Variants in TRIML2 observed in about 807,000 individuals in gnomAD.
TRIML2 encodes the protein probable E3 ubiquitin-protein ligase TRIML2.
TRIML2 carries 28 observed loss-of-function variants against 31.2 expected under a neutral mutation model. The observed-to-expected ratio is 0.90, with a 90% CI of 0.66 to 1.23. The LOEUF (loss-of-function observed/expected upper bound fraction) is 1.23. Among genes scored for constraint, TRIML2 ranks in the 50% most tolerant of loss-of-function variants. The pLI is 0.00. For synonymous variants in TRIML2, 187 were observed against 197.5 expected (o/e 0.95, Z 0.45); for missense variants, 536 against 528.3 (o/e 1.01, Z -0.14).
Position 188,094,706 on chromosome 4 carries a change from C to A in TRIML2, c.745+2355G>T, listed in dbSNP as rs143198653. Among the ~76,000 whole-genome samples the A allele has an allele frequency of 3.5e-4, 53 of 152,256 alleles. 2 individuals carry two copies. The East Asian group carries it at 0.01, about 29-fold the overall frequency. On this transcript the variant is annotated intron_variant, in intron 7 of 7. Coordinates refer to ENST00000682553, the MANE Select transcript of TRIML2 (RefSeq NM_173553.4). Reference sequence around the variant, plus strand: ...AATATTGTCAAGATGTCAATTCTCCCCAAACTGATCAACGGATTCAATGTA... The same window carrying A: ...AATATTGTCAAGATGTCAATTCTCCACAAACTGATCAACGGATTCAATGTA...
At chr4:188,094,722 A>T (rs2111158681) in intron 7 of TRIML2, among the ~76,000 whole-genome samples, 1 of 152,344 alleles carries the variant, frequency 6.6e-6, no homozygotes, top group Admixed American at 6.5e-5. Context: ...TGATCAACGG[A>T]TTCAATGTAA....
intron 3 of TRIML2, among the ~76,000 whole-genome samples, chr4:188,103,492 A>C (rs1733894937): frequency 6.6e-6 from 1 of 151,960 alleles, no homozygotes; most frequent in Non-Finnish European, 1.5e-5. Flanking sequence ...GTTTCCTTAC[A>C]CAGCTCCAGC....
Position 188,097,359 on chromosome 4 carries a change from A to G in TRIML2, c.622-13T>C. On this transcript the variant is annotated splice_polypyrimidine_tract_variant and intron_variant, in intron 5 of 7. Coordinates refer to ENST00000682553, the MANE Select transcript of TRIML2 (RefSeq NM_173553.4). The stretch of plus-strand genomic sequence containing the variant: ...AGTATTTTGCATTCTAAGGGAAAGA[A>G]AAGAGACCAGGTTACTACTGGGTTT... The G allele has an allele frequency of 6.2e-7, 1 of 1,613,936 alleles. No homozygotes were observed. The highest frequency in any genetic ancestry group is 8.5e-7 in the Non-Finnish European group (1 of 1,179,900).
intron 7 of TRIML2, among the ~76,000 whole-genome samples, chr4:188,093,585 C>G (rs758057896): frequency 3.3e-5 from 5 of 152,108 alleles, no homozygotes; most frequent in African/African-American, 4.8e-5. Flanking sequence ...TCGCTTGCAT[C>G]TGGGAGGCAG....
chr4:188,098,785 A>C, intron 5 of TRIML2: 1 of 451,448 alleles, frequency 2.2e-6, no homozygotes, highest in Non-Finnish European at 3.9e-6. Flanking sequence ...ACATTGTGTC[A>C]CATCTCAACC....
Position 188,093,701 on chromosome 4 carries a change from T to A in TRIML2, c.746-1760A>T, listed in dbSNP as rs151083995. Reference sequence around the variant, plus strand: ...AAAGGTTGAAGAAACAACAGGAGTATCTCAAGAGAAAAAGAACTTGATAAA... The same window carrying A: ...AAAGGTTGAAGAAACAACAGGAGTAACTCAAGAGAAAAAGAACTTGATAAA... On this transcript the variant is annotated intron_variant, in intron 7 of 7. Transcript: ENST00000682553. Among the ~76,000 whole-genome samples, 1,070 of 151,798 alleles carry A rather than the reference T, an allele frequency of 7.0e-3. 9 individuals carry two copies. The highest frequency in any genetic ancestry group is 0.024 in the African/African-American group (1,010 of 41,354).
Position 188,091,958 on chromosome 4 carries a change from C to A in TRIML2, c.746-17G>T, listed in dbSNP as rs368485455. 10 of 1,593,138 alleles carry A rather than the reference C, an allele frequency of 6.3e-6. No individual in the cohort carries two copies. In the African/African-American group the frequency reaches 1.1e-4, roughly 17 times the overall value. ...TTAAATGTCCTATCAGGAGAGAAAA[C>A]CCTCGTTAACCTAGGAGTTCACCAA... On this transcript the variant is annotated splice_polypyrimidine_tract_variant and intron_variant, in intron 7 of 7. Coordinates refer to ENST00000682553, the MANE Select transcript of TRIML2 (RefSeq NM_173553.4).
chr4:188,092,906 C>T, intron 7 of TRIML2: 2 of 456,642 alleles, frequency 4.4e-6, no homozygotes, highest in Non-Finnish European at 8.8e-6. Context: ...TCTTTCAGGG[C>T]TTGGTCCTGG....
chr4:188,106,190 C>A (rs536558000), intron 1 of TRIML2, among the ~76,000 whole-genome samples: 2 of 143,478 alleles, frequency 1.4e-5, no homozygotes, highest in South Asian at 2.3e-4. Context: ...GCTGGGACTT[C>A]AGGCGCCCGC....
In TRIML2 at chr4:188,101,145, T is replaced by C. The variant is rs1265863618; in HGVS notation, c.391A>G (p.Ile131Val). Residue 131 changes from isoleucine (I) to valine (V), a missense_variant, in exon 4 of 8, where the codon ATA becomes GTA. By Grantham distance (29) the Ile-to-Val change is conservative. Coordinates refer to ENST00000682553, the MANE Select transcript of TRIML2 (RefSeq NM_173553.4). ...GTTTCTCTCAGGTTCAAGTCAGATA[T>C]GCATTCCTGCTGTCTCTGGAGATTC... ...EQNLQRQQEC[I>V]SDLNLRETLL... The C allele has an allele frequency of 6.2e-7, 1 of 1,613,998 alleles. No homozygotes were observed. Among genetic ancestry groups the C allele is most frequent in the East Asian group, 2.2e-5 (1 of 44,854 alleles).
At chr4:188,098,425 C>T (rs1560950099) in intron 5 of TRIML2, 2 of 263,162 alleles carry the variant, frequency 7.6e-6, no homozygotes, top group Non-Finnish European at 1.6e-5. Flanking sequence ...CCAGGCCCCA[C>T]TCACTACCCA....
chr4:188,103,005 G>GTTTTTTTT (rs145048322), intron 3 of TRIML2, among the ~76,000 whole-genome samples: 2 of 97,844 alleles, frequency 2.0e-5, no homozygotes, highest in Non-Finnish European at 1.9e-5. Flanking sequence ...TACTCTCTTG[G>GTTTTTTTT]TTTTTTTTTT....
chr4:188,100,207 C>T (rs1473107307), intron 4 of TRIML2, among the ~76,000 whole-genome samples: 3 of 152,148 alleles, frequency 2.0e-5, no homozygotes, highest in African/African-American at 7.2e-5. Context: ...ATAATTGTAA[C>T]ATCTGCTACT....
At chr4:188,103,005 GTTTTTTT>G (rs145048322) in intron 3 of TRIML2, among the ~76,000 whole-genome samples, 1 of 97,844 alleles carries the variant, frequency 1.0e-5, no homozygotes, top group South Asian at 3.6e-4. Flanking sequence ...TACTCTCTTG[GTTTTTTT>G]TTTTTTTTTT....
chr4:188,091,661 C>T lies in TRIML2; in HGVS notation c.1026G>A (p.Thr342=), dbSNP rs747178205. 5.4e-5 allele frequency: 87 copies of T among 1,613,620 alleles called. No homozygotes were observed. In the East Asian group the frequency reaches 6.5e-4, roughly 12 times the overall value. Residue 342 remains threonine, a synonymous_variant, in exon 8 of 8, where the codon ACG becomes ACA. Transcript: ENST00000682553. The stretch of plus-strand genomic sequence containing the variant: ...TCCACTCGGTCCCCATCACCGACCC[C>T]GTGAGCAAGACTTTCTCTCCGGAAG... ...ARASGEKVLL[T]GSVMGTEWTL...
rs1245082449 is a variant in TRIML2, at chr4:188,099,132, T to A, written c.524A>T (p.Glu175Val). The A allele has an allele frequency of 2.5e-6, 4 of 1,613,438 alleles. 1 individual carries two copies. Among genetic ancestry groups the A allele is most frequent in the Non-Finnish European group, 3.4e-6 (4 of 1,179,806 alleles). The change falls in exon 5 of 8, where the codon GAG becomes GTG. Residue 175 changes from glutamate to valine, a missense_variant. By Grantham distance (121) the Glu-to-Val change is moderately radical. Transcript: ENST00000682553. ...VGRENMEKLKESEARASEQVR... is the reference protein window; with the variant it reads ...VGRENMEKLKVSEARASEQVR... Reference sequence around the variant, plus strand: ...CTGTTCAGAAGCCCTGGCTTCACTCTCCTTCAGTTTCTCCATGTTCTCTCT... The same window carrying A: ...CTGTTCAGAAGCCCTGGCTTCACTCACCTTCAGTTTCTCCATGTTCTCTCT...
At chr4:188,093,113 C>T (rs1733342104) in intron 7 of TRIML2, 1 of 287,174 alleles carries the variant, frequency 3.5e-6, no homozygotes, top group South Asian at 3.3e-5. Context: ...CTCTACTTCT[C>T]AGTTCACAGC....
rs1323434566 is a variant in TRIML2, at chr4:188,105,296, G to A, written c.73C>T (p.Pro25Ser). The A allele has an allele frequency of 1.6e-5, 25 of 1,611,032 alleles. No homozygotes were observed. The highest frequency in any genetic ancestry group is 2.0e-5 in the Non-Finnish European group (24 of 1,177,584). ...TCAACATCACAGAACAGCCGTGTTG[G>A]TTCCAGGTGTGTTTCACAATAGGCA... is the stretch of plus-strand genomic sequence containing the variant. ...EDAYCETHLE[P>S]TRLFCDVDQI... Residue 25 changes from proline (P) to serine (S), a missense_variant, in exon 2 of 8, where the codon CCA (proline) becomes TCA (serine). Transcript: ENST00000682553.
At chr4:188,099,519 G>T (rs913336444) in intron 4 of TRIML2, among the ~76,000 whole-genome samples, 1 of 150,706 alleles carries the variant, frequency 6.6e-6, no homozygotes, top group Non-Finnish European at 1.5e-5. Context: ...AGCCAAGATC[G>T]TGCCACTGCA....
Sources: gnomAD v4.1 joint callset for allele counts (sites outside exome capture counted in the v4.1 genomes callset) on GRCh38, gnomAD v4.1.1 for gene constraint, MANE v1.5 for transcripts, NCBI Gene and HGNC (gene_info 2026-07-23, HGNC 2026-07-21) for gene names.